The following GRIK1 variants were observed in gnomAD, a reference collection of about 807,000 sequenced individuals.
GRIK1 encodes glutamate ionotropic receptor kainate type subunit 1.
Under a neutral mutation model 105.7 loss-of-function variants are expected in GRIK1, and 69 were observed. The observed-to-expected ratio is 0.65, with a 90% CI of 0.54 to 0.80. The LOEUF is 0.80. Ranked by LOEUF, GRIK1 falls within the 30% of genes least tolerant of loss-of-function variation. The pLI is 0.00. For missense variants in GRIK1, 1,109 were observed against 1,167.3 expected, an observed-to-expected ratio of 0.95 and a Z score of 0.73; for synonymous variants, 438 against 431.3, an observed-to-expected ratio of 1.02 and a Z score of -0.19.
intron 3 of GRIK1, among the ~76,000 whole-genome samples, chr21:29,687,670 T>C (rs1056639203): frequency 1.3e-5 from 2 of 152,202 alleles, no homozygotes; most frequent in African/African-American, 4.8e-5. Context: ...TAGAAGATGA[T>C]GGAAATGATA....
At chr21:29,842,484 T>G (rs1239657043) in intron 1 of GRIK1, among the ~76,000 whole-genome samples, 1 of 152,180 alleles carries the variant, frequency 6.6e-6, no homozygotes, top group African/African-American at 2.4e-5. Flanking sequence ...CAAAAGTTTT[T>G]GTCCTCATAT....
At chr21:29,775,628 C>T (rs2065924695) in intron 1 of GRIK1, among the ~76,000 whole-genome samples, 1 of 152,180 alleles carries the variant, frequency 6.6e-6, no homozygotes, top group African/African-American at 2.4e-5. Flanking sequence ...GCCAGGTCTC[C>T]TGACTCTGCT....
intron 1 of GRIK1, among the ~76,000 whole-genome samples, chr21:29,779,190 C>T (rs1050833385): frequency 2.6e-4 from 39 of 152,306 alleles, no homozygotes; most frequent in South Asian, 6.2e-4. Flanking sequence ...TGCTTTTAAT[C>T]CCCAAAGCGA....
At chr21:29,931,137 G>T (rs1012053940) in intron 1 of GRIK1, among the ~76,000 whole-genome samples, 2 of 152,138 alleles carry the variant, frequency 1.3e-5, no homozygotes, top group African/African-American at 2.4e-5. Flanking sequence ...CAGTATTAAT[G>T]AATTATTATT....
At chr21:29,924,036 C>A (rs365754) in intron 1 of GRIK1, among the ~76,000 whole-genome samples, 3 of 151,848 alleles carry the variant, frequency 2.0e-5, no homozygotes, top group Middle Eastern at 3.2e-3. Flanking sequence ...GAGATATATA[C>A]TCATATATGA....
intron 1 of GRIK1, among the ~76,000 whole-genome samples, chr21:29,721,614 TAAAG>T (rs754767375): frequency 4.4e-5 from 6 of 137,034 alleles, no homozygotes; most frequent in South Asian, 2.3e-4. Flanking sequence ...AAAAAAAAAA[TAAAG>T]GAAGAAGAAG....
chr21:29,938,541 T>C (rs948478795), intron 1 of GRIK1, among the ~76,000 whole-genome samples: 9 of 152,196 alleles, frequency 5.9e-5, no homozygotes, highest in African/African-American at 2.2e-4. Context: ...TGGCTGTCAG[T>C]CCACGCCCCT....
intron 1 of GRIK1, among the ~76,000 whole-genome samples, chr21:29,769,973 C>T (rs947202636): frequency 1.3e-5 from 2 of 152,134 alleles, no homozygotes; most frequent in African/African-American, 4.8e-5. Flanking sequence ...AGATGAGTGA[C>T]AAAGATGTGA....
At chr21:29,686,078 C>G (rs185555505) in intron 3 of GRIK1, among the ~76,000 whole-genome samples, 32 of 152,290 alleles carry the variant, frequency 2.1e-4, no homozygotes, top group African/African-American at 7.5e-4. Context: ...ACCCTTTTGT[C>G]CAATCACATT....
intron 1 of GRIK1, among the ~76,000 whole-genome samples, chr21:29,895,476 T>C (rs1164410087): frequency 6.6e-6 from 1 of 152,150 alleles, no homozygotes; most frequent in East Asian, 1.9e-4. Flanking sequence ...AATTTGTACA[T>C]AAAGATTTTT....
Position 29,743,747 on chromosome 21 carries a change from C to G in GRIK1, c.119-49684G>C, listed in dbSNP as rs80022272. The stretch of plus-strand genomic sequence containing the variant: ...AATATTTTGTTTTATTTTGAGCAAT[C>G]TAAATGTATCAGTGATTCAAAGGAA... On this transcript the variant is annotated intron_variant, in intron 1 of 17. Transcript: ENST00000327783. Among the ~76,000 whole-genome samples, 894 of 152,032 alleles carry G rather than the reference C, an allele frequency of 5.9e-3. 8 individuals carry two copies. The highest frequency in any genetic ancestry group is 0.021 in the African/African-American group (854 of 41,448).
intron 1 of GRIK1, among the ~76,000 whole-genome samples, chr21:29,888,161 T>TTTTCTTTCTTTCTTTCTTTCTTTCTTTC (rs11436370): frequency 1.6e-3 from 12 of 7,306 alleles, no homozygotes; most frequent in African/African-American, 3.0e-3. Context: ...CTCCTTTCTT[T>TTTTCTTTCTTTCTTTCTTTCTTTCTTTC]TTTCTTTCTT....
At chr21:29,700,273 G>A (rs2063786708) in intron 1 of GRIK1, among the ~76,000 whole-genome samples, 1 of 152,174 alleles carries the variant, frequency 6.6e-6, no homozygotes, top group South Asian at 2.1e-4. Context: ...CCTTTAAGGG[G>A]GGATGATGGG....
In GRIK1 at chr21:29,596,368, T is replaced by G. The variant is rs76630033; in HGVS notation, c.1251+158A>C. 669 of 750,648 alleles carry G rather than the reference T, an allele frequency of 8.9e-4. 2 individuals carry two copies. In the African/African-American group the frequency reaches 9.4e-3, roughly 11 times the overall value. The allele number at this position is 750,648 out of a possible 1,614,324, so 46.5% of individuals were successfully genotyped here. ...TCACAGGTGATGTTGTTGAGAGAGA[T>G]AACATATTCAATCACTCCTCTCTCT... On this transcript the variant is annotated intron_variant, in intron 9 of 17. Transcript: ENST00000327783.
At chr21:29,793,055 C>T (rs2066467071) in intron 1 of GRIK1, among the ~76,000 whole-genome samples, 1 of 152,130 alleles carries the variant, frequency 6.6e-6, no homozygotes, top group Non-Finnish European at 1.5e-5. Context: ...TGATCCTCTC[C>T]CTCATACGCA....
intron 3 of GRIK1, among the ~76,000 whole-genome samples, chr21:29,679,978 C>G (rs1320349506): frequency 1.3e-5 from 2 of 152,188 alleles, no homozygotes; most frequent in African/African-American, 2.4e-5. Context: ...TTTGATATTT[C>G]AGAGGAGTTT....
At chr21:29,875,016 A>C (rs1287412475) in intron 1 of GRIK1, among the ~76,000 whole-genome samples, 1 of 137,900 alleles carries the variant, frequency 7.3e-6, no homozygotes, top group Non-Finnish European at 1.6e-5. Flanking sequence ...TTTTTTTTTA[A>C]TATGTGTGTG....
Position 29,939,538 on chromosome 21 carries a change from T to C in GRIK1, c.-38A>G. ...TTAATTCATGCCGAGATACAGCCGCTGCCGGACGCCCGAGAGATGCACCCA... is the reference window on the plus strand; with the variant it reads ...TTAATTCATGCCGAGATACAGCCGCCGCCGGACGCCCGAGAGATGCACCCA... On this transcript the variant is annotated 5_prime_UTR_variant, in exon 1 of 18. Transcript: ENST00000327783. The C allele has an allele frequency of 4.4e-6, 6 of 1,359,608 alleles. No homozygotes were observed. The highest frequency in any genetic ancestry group is 1.5e-5 in the African/African-American group (1 of 67,000). The allele number at this position is 1,359,608 out of a possible 1,614,324, so 84.2% of individuals were successfully genotyped here. A position where few individuals can be genotyped will look rare whatever the true frequency, so the allele number is the denominator to read the frequency against.
intron 1 of GRIK1, among the ~76,000 whole-genome samples, chr21:29,810,782 G>A (rs1276466923): frequency 6.6e-6 from 1 of 152,000 alleles, no homozygotes; most frequent in Non-Finnish European, 1.5e-5. Flanking sequence ...GTGATGCCTG[G>A]TTTCAGCCCC....
Sources: allele counts gnomAD v4.1 joint callset (sites outside exome capture counted in the v4.1 genomes callset), GRCh38; gene constraint gnomAD v4.1.1; transcripts MANE v1.5; gene names NCBI Gene and HGNC (gene_info 2026-07-23, HGNC 2026-07-21).